CACNA1E: variants seen among roughly 807,000 people sequenced by gnomAD.
CACNA1E encodes calcium voltage-gated channel subunit alpha1 E.
In CACNA1E, 40 loss-of-function variants were observed where a neutral mutation model predicts 259.2. That is an observed-to-expected ratio of 0.15 (90% CI 0.12 to 0.20). The LOEUF (loss-of-function observed/expected upper bound fraction) is 0.20, where lower values mean the gene tolerates loss of function less well. CACNA1E is among the 10% of genes least tolerant of loss of function. The pLI, the probability that CACNA1E is intolerant of heterozygous loss-of-function variation, is 1.00. For missense variants in CACNA1E, 1,874 were observed against 3,040.1 expected (o/e 0.62, Z 9.02); for synonymous variants, 1,104 against 1,138.5 (o/e 0.97, Z 0.61).
chr1:181,579,056 C>T lies in CACNA1E; in HGVS notation c.617-16C>T, dbSNP rs113730525. The T allele has an allele frequency of 3.8e-5, 61 of 1,592,998 alleles. 1 individual carries two copies. In the African/African-American group the frequency reaches 6.5e-4, roughly 17 times the overall value. On this transcript the variant is annotated splice_polypyrimidine_tract_variant and intron_variant, in intron 4 of 47. Transcript: ENST00000367573. ...GAGGGACAGCTGCATTGGTCATTCT[C>T]TGTCCTTCCTTCTAGGCCTGCAGAT...
In CACNA1E at chr1:181,439,849, C is replaced by T. The variant is rs181752589; in HGVS notation, c.434+26269C>T. 1.2e-4 allele frequency among the ~76,000 whole-genome samples: 18 copies of T among 152,250 alleles called. No homozygotes were observed. In the East Asian group the frequency reaches 3.1e-3, roughly 26 times the overall value. On this transcript the variant is annotated intron_variant, in intron 2 of 11. Coordinates refer to the CACNA1E transcript ENST00000524607. The stretch of plus-strand genomic sequence containing the variant: ...TCTTTTCTACTTAAGAAGTACCTTT[C>T]GGAAGTGCTTTTCAAGTTAATCCAA...
chr1:181,676,756 T>C (rs1479632712), intron 7 of CACNA1E, among the ~76,000 whole-genome samples: 1 of 152,168 alleles, frequency 6.6e-6, no homozygotes, highest in African/African-American at 2.4e-5. Context: ...AAGCAAATCA[T>C]TGTGTGAGTT....
intron 6 of CACNA1E, among the ~76,000 whole-genome samples, chr1:181,644,442 C>T (rs547198608): frequency 2.0e-5 from 3 of 152,124 alleles, no homozygotes; most frequent in South Asian, 4.2e-4. Context: ...GCAGGAAACC[C>T]GTTATAGGCA....
At chr1:181,463,825 T>C (rs150107268) in intron 2 of CACNA1E, among the ~76,000 whole-genome samples, 68 of 151,846 alleles carry the variant, frequency 4.5e-4, no homozygotes, top group Non-Finnish European at 7.2e-4. Flanking sequence ...TGTATCTGCA[T>C]TTTTTTGATG....
intron 1 of CACNA1E, among the ~76,000 whole-genome samples, chr1:181,404,229 T>C (rs972013300): frequency 6.6e-6 from 1 of 152,174 alleles, no homozygotes; most frequent in East Asian, 1.9e-4. Flanking sequence ...GTAAACATAA[T>C]GCCTACTACA....
At chr1:181,482,022 A>G (rs1465443804), upstream of CACNA1E, among the ~76,000 whole-genome samples, 20 of 152,102 alleles carry the variant, frequency 1.3e-4, 1 homozygote, top group Admixed American at 1.2e-3. Flanking sequence ...CGGAACCGGG[A>G]GGCCGCCCCG....
intron 1 of CACNA1E, among the ~76,000 whole-genome samples, chr1:181,365,912 T>A (rs1246290757): frequency 6.6e-6 from 1 of 152,226 alleles, no homozygotes; most frequent in Non-Finnish European, 1.5e-5. Context: ...AGGGCAGATG[T>A]ACTGTGCAAA....
chr1:181,781,327 C>T, intron 38 of CACNA1E, 100 bp from the exon 39 acceptor site: 1 of 688,306 alleles, frequency 1.5e-6, no homozygotes, highest in Non-Finnish European at 2.7e-6. Context: ...TTCTCCTCTC[C>T]TATCTGTCTG....
At chr1:181,374,281 G>C (rs1354428389) in intron 1 of CACNA1E, among the ~76,000 whole-genome samples, 1 of 151,984 alleles carries the variant, frequency 6.6e-6, no homozygotes, top group Non-Finnish European at 1.5e-5. Context: ...TTGATGAGCA[G>C]GTTGTTTAAT....
chr1:181,638,299 A>G (rs1657423445), intron 6 of CACNA1E, among the ~76,000 whole-genome samples: 1 of 152,198 alleles, frequency 6.6e-6, no homozygotes, highest in Admixed American at 6.5e-5. Flanking sequence ...AAGGAATTGA[A>G]GCAACACAAC....
At chr1:181,604,953 G>A (rs1166339278) in intron 6 of CACNA1E, among the ~76,000 whole-genome samples, 2 of 152,116 alleles carry the variant, frequency 1.3e-5, no homozygotes, top group Admixed American at 6.5e-5. Context: ...CATGAGAGAG[G>A]CCTCATTTGT....
intron 1 of CACNA1E, among the ~76,000 whole-genome samples, chr1:181,322,549 A>G (rs994549426): frequency 1.3e-5 from 2 of 152,224 alleles, no homozygotes; most frequent in Non-Finnish European, 2.9e-5. Flanking sequence ...TACCTTTCTC[A>G]TTGTAACCTG....
rs10605662 is a variant in CACNA1E at position 181,526,412 on chromosome 1, A to AT, written c.512+14919dup. Among the ~76,000 whole-genome samples the AT allele has an allele frequency of 1.6e-3, 234 of 143,040 alleles. 1 individual carries two copies. The highest frequency in any genetic ancestry group is 6.5e-3 in the South Asian group (29 of 4,456). The allele number at this position is 143,040 out of a possible 152,430, so 93.8% of individuals were successfully genotyped here. On this transcript the variant is annotated intron_variant, in intron 3 of 47. Coordinates refer to ENST00000367573, the MANE Select transcript of CACNA1E (RefSeq NM_001205293.3). ...TGTATCTAGTGGCTGCATGGTCTGA[A>AT]TTTTTTTTTTTTTTTTTACTCCTGA...
chr1:181,671,589 C>G (rs563711517), intron 7 of CACNA1E, among the ~76,000 whole-genome samples: 27 of 152,260 alleles, frequency 1.8e-4, no homozygotes, highest in African/African-American at 5.1e-4. Context: ...GATCTGACCC[C>G]GTGTGATTCT....
chr1:181,552,833 C>G (rs181808368), intron 3 of CACNA1E, among the ~76,000 whole-genome samples: 2 of 151,156 alleles, frequency 1.3e-5, no homozygotes, highest in Admixed American at 1.3e-4. Context: ...TTTCTGAGGT[C>G]TCTGTTCTGT....
intron 7 of CACNA1E, among the ~76,000 whole-genome samples, chr1:181,677,347 C>T (rs73043429): frequency 0.061 from 9,264 of 152,222 alleles, 933 homozygotes; most frequent in African/African-American, 0.21. Flanking sequence ...AAATTGTATA[C>T]TGATCCCCAC....
chr1:181,334,096 T>A (rs1433280139), intron 1 of CACNA1E, among the ~76,000 whole-genome samples: 1 of 152,222 alleles, frequency 6.6e-6, no homozygotes, highest in Admixed American at 6.5e-5. Context: ...CTTTCCAAGA[T>A]CATAAATGGC....
At chr1:181,723,412 A>G (rs890685943) in intron 16 of CACNA1E, among the ~76,000 whole-genome samples, 10 of 152,152 alleles carry the variant, frequency 6.6e-5, no homozygotes, top group Non-Finnish European at 1.5e-4. Context: ...AACAAACTCA[A>G]AGTGCTTTTT....
chr1:181,480,378 T>G (rs550989217), upstream of CACNA1E, among the ~76,000 whole-genome samples: 70 of 152,312 alleles, frequency 4.6e-4, 1 homozygote, highest in Admixed American at 1.4e-3. Flanking sequence ...TTAACTCACA[T>G]AGGTGCTGAA....
Sources: gnomAD v4.1 joint callset for allele counts (sites outside exome capture counted in the v4.1 genomes callset) on GRCh38, gnomAD v4.1.1 for gene constraint, MANE v1.5 for transcripts, NCBI Gene and HGNC (gene_info 2026-07-23, HGNC 2026-07-21) for gene names.